Variants in RELN observed in about 807,000 individuals in gnomAD.
The protein encoded by RELN is reelin.
A neutral mutation model predicts 427.6 loss-of-function variants in RELN; 108 were observed. The ratio of observed to expected loss-of-function variants is 0.25; its 90% CI spans 0.22 to 0.30. The LOEUF is 0.30. Among genes scored for constraint, RELN ranks in the 10% least tolerant of loss-of-function variants. The pLI is 1.00. For synonymous variants in RELN, 1,524 were observed against 1,513.4 expected (o/e 1.01, Z -0.16); for missense variants, 3,715 against 4,302.8 (o/e 0.86, Z 3.82).
intron 53 of RELN, among the ~76,000 whole-genome samples, chr7:103,500,419 C>T (rs541344973): frequency 6.6e-6 from 1 of 151,394 alleles, no homozygotes; most frequent in South Asian, 2.1e-4. Flanking sequence ...TCAAATAGTG[C>T]ATCAATTGAA....
intron 2 of RELN, among the ~76,000 whole-genome samples, chr7:103,836,535 C>T (rs1793413557): frequency 6.6e-6 from 1 of 152,150 alleles, no homozygotes; most frequent in East Asian, 1.9e-4. Flanking sequence ...CTCTCACTGC[C>T]TTCTCCAACC....
chr7:103,763,895 A>G (rs1791363384), intron 4 of RELN, among the ~76,000 whole-genome samples: 2 of 151,258 alleles, frequency 1.3e-5, no homozygotes, highest in Non-Finnish European at 3.0e-5. Context: ...AGGCCTGAAT[A>G]AAAAAAAATG....
intron 48 of RELN, among the ~76,000 whole-genome samples, chr7:103,520,957 A>G (rs181612680): frequency 2.5e-5 from 2 of 79,210 alleles, no homozygotes; most frequent in East Asian, 7.7e-4. Context: ...TAAATTTGTT[A>G]TTTTTTTTTT....
rs1260947486 is a variant in RELN at position 103,651,902 on chromosome 7, ATTTTTT to A, written c.1764-119_1764-114del. On this transcript the variant is annotated intron_variant, in intron 14 of 64. Coordinates refer to ENST00000428762, the MANE Select transcript of RELN (RefSeq NM_005045.4). ...TAAACAACTGTAAAAACAGTGTAAA[ATTTTTT>A]AAAGATGCTGTTTCCTAAATGATTG... 7.7e-6 allele frequency: 9 copies of A among 1,163,718 alleles called. No homozygotes were observed. In the South Asian group the frequency reaches 1.2e-4, roughly 16 times the overall value. 72.1% of individuals were successfully genotyped at this position (1,163,718 alleles called of 1,614,324 possible).
chr7:103,961,909 AC>A (rs1796563702), intron 1 of RELN, among the ~76,000 whole-genome samples: 2 of 152,274 alleles, frequency 1.3e-5, no homozygotes, highest in South Asian at 4.2e-4. Context: ...AGTTTTCCAA[AC>A]TCCATTGGAA....
chr7:103,978,063 T>C (rs4473962), intron 1 of RELN, among the ~76,000 whole-genome samples: 106,364 of 151,816 alleles, frequency 0.7, 37,798 homozygotes, highest in African/African-American at 0.82. Flanking sequence ...CATCTATTTA[T>C]CTTAAATTAA....
chr7:103,791,777 GTTT>G (rs201564276), intron 3 of RELN, among the ~76,000 whole-genome samples: 9 of 107,500 alleles, frequency 8.4e-5, no homozygotes, highest in East Asian at 5.8e-4. Context: ...CATTTAAAAA[GTTT>G]TTAAAAAAAA....
chr7:103,708,577 C>A (rs1201460438), intron 8 of RELN, among the ~76,000 whole-genome samples: 2 of 150,944 alleles, frequency 1.3e-5, no homozygotes, highest in Non-Finnish European at 2.9e-5. Context: ...CATTCTCCTG[C>A]CTCAGCCTCC....
chr7:103,903,449 A>G (rs1795126328), intron 2 of RELN, among the ~76,000 whole-genome samples: 1 of 152,142 alleles, frequency 6.6e-6, no homozygotes, highest in African/African-American at 2.4e-5. Flanking sequence ...GTTCCTGTTC[A>G]TTCTCTGTCA....
chr7:103,845,036 T>A (rs140120349), intron 2 of RELN, among the ~76,000 whole-genome samples: 2 of 152,154 alleles, frequency 1.3e-5, no homozygotes, highest in African/African-American at 4.8e-5. Flanking sequence ...TAACTGTACA[T>A]CCAGACTGGC....
intron 64 of RELN, among the ~76,000 whole-genome samples, chr7:103,477,002 A>G (rs1244015412): frequency 6.6e-6 from 1 of 152,172 alleles, no homozygotes; most frequent in Non-Finnish European, 1.5e-5. Context: ...TTGACATATC[A>G]ATTTGCTTTG....
chr7:103,924,703 C>G (rs1795687327), intron 1 of RELN, among the ~76,000 whole-genome samples: 1 of 151,966 alleles, frequency 6.6e-6, no homozygotes, highest in African/African-American at 2.4e-5. Flanking sequence ...CCACACGTAG[C>G]CTCTAAGTCT....
Position 103,565,532 on chromosome 7 carries a change from C to T in RELN, c.4956G>A (p.Glu1652=), listed in dbSNP as rs1400803871. ...TENIGKPRYA[E]TWDFHVSAST... ...ATGCTGACACATGAAAATCCCAGGT[C>T]TCAGCATAACGAGGTTTTCCTGAAA... The change falls in exon 34 of 65, where the codon GAG becomes GAA. Residue 1652 remains glutamate, a synonymous_variant. Coordinates refer to ENST00000428762, the MANE Select transcript of RELN (RefSeq NM_005045.4). 4 of 1,611,506 alleles carry T rather than the reference C, an allele frequency of 2.5e-6. No individual in the cohort carries two copies. In the East Asian group the frequency reaches 8.9e-5, roughly 36 times the overall value.
At chr7:103,781,916 T>A (rs1411475630) in intron 3 of RELN, among the ~76,000 whole-genome samples, 1 of 152,178 alleles carries the variant, frequency 6.6e-6, no homozygotes, top group Non-Finnish European at 1.5e-5. Flanking sequence ...CTATTTGCAC[T>A]TAATTTTACA....
chr7:103,902,125 AG>A, intron 2 of RELN, among the ~76,000 whole-genome samples: 1 of 152,170 alleles, frequency 6.6e-6, no homozygotes, highest in South Asian at 2.1e-4. Flanking sequence ...GATAATAAGA[AG>A]AAAGAAACAG....
intron 1 of RELN, among the ~76,000 whole-genome samples, chr7:103,985,112 G>T (rs1358975794): frequency 6.6e-6 from 1 of 151,984 alleles, no homozygotes; most frequent in African/African-American, 2.4e-5. Flanking sequence ...TTTAGTTTTA[G>T]GAATAGAACA....
chr7:103,603,203 T>A lies in RELN; in HGVS notation c.3333+101A>T, dbSNP rs999930365. ...AGAGCCCACTCAAAAGCGGGGAACGTGGGGAACAATAGAACCACTTCATAT... is the reference window on the plus strand; with the variant it reads ...AGAGCCCACTCAAAAGCGGGGAACGAGGGGAACAATAGAACCACTTCATAT... On this transcript the variant is annotated intron_variant, in intron 24 of 64. Transcript: ENST00000428762. This position sits in a 1 kb window ranked among gnomAD's most constrained non-coding sequence, Gnocchi z 4.3. 12 of 980,298 alleles carry A rather than the reference T, an allele frequency of 1.2e-5. No homozygotes were observed. The East Asian group carries it at 2.6e-4, about 21-fold the overall frequency. The allele number at this position is 980,298 out of a possible 1,614,324, so 60.7% of individuals were successfully genotyped here. A position where few individuals can be genotyped will look rare whatever the true frequency, so the allele number is the denominator to read the frequency against.
chr7:103,800,850 A>T (rs550245772), intron 3 of RELN, among the ~76,000 whole-genome samples: 5 of 152,220 alleles, frequency 3.3e-5, no homozygotes, highest in Non-Finnish European at 4.4e-5. Context: ...GGGCTAATAT[A>T]CAGAATCTAC....
At chr7:103,495,235 T>G (rs1304355012) in intron 57 of RELN, among the ~76,000 whole-genome samples, 1 of 150,214 alleles carries the variant, frequency 6.7e-6, no homozygotes, top group Non-Finnish European at 1.5e-5. Flanking sequence ...TGCAGTGGTA[T>G]GATCTTGCCT....
Sources: allele counts gnomAD v4.1 joint callset (sites outside exome capture counted in the v4.1 genomes callset), GRCh38; gene constraint gnomAD v4.1.1; non-coding constraint Gnocchi (gnomAD v3.1); transcripts MANE v1.5; gene names NCBI Gene and HGNC (gene_info 2026-07-23, HGNC 2026-07-21).